Variants in PAFAH1B2 observed in about 807,000 individuals in gnomAD.
PAFAH1B2 encodes platelet-activating factor acetylhydrolase IB subunit alpha2.
Under a neutral mutation model 28.0 loss-of-function variants are expected in PAFAH1B2, and 8 were observed. The observed-to-expected ratio is 0.29, with a 90% CI of 0.17 to 0.52. The LOEUF (loss-of-function observed/expected upper bound fraction) is 0.52. PAFAH1B2 is among the 20% of genes least tolerant of loss of function. The probability of loss-of-function intolerance (pLI) is 0.97; values close to 1 mark genes in which losing one functional copy is unlikely to be tolerated. For missense variants in PAFAH1B2, 190 were observed against 282.6 expected (o/e 0.67, Z 2.35); for synonymous variants, 104 against 103.2 (o/e 1.01, Z -0.05).
downstream of PAFAH1B2, chr11:117,174,821 G>T: frequency 5.4e-6 from 5 of 926,930 alleles, no homozygotes; most frequent in South Asian, 8.6e-5. Context: ...TACCATGTTG[G>T]CCAGGCTGGT....
chr11:117,149,692 A>G (rs1956104297), intron 1 of PAFAH1B2, among the ~76,000 whole-genome samples: 1 of 151,634 alleles, frequency 6.6e-6, no homozygotes, highest in Non-Finnish European at 1.5e-5. Context: ...TCGGCCTCCC[A>G]AAGTGCTGGG....
intron 1 of PAFAH1B2, among the ~76,000 whole-genome samples, chr11:117,151,014 T>C (rs1300574969): frequency 2.0e-5 from 3 of 151,586 alleles, no homozygotes; most frequent in Non-Finnish European, 4.4e-5. Context: ...AAGATGACCT[T>C]CTTTTCTATA....
downstream of PAFAH1B2, among the ~76,000 whole-genome samples, chr11:117,173,734 T>C (rs1044749253): frequency 1.3e-5 from 2 of 152,208 alleles, no homozygotes; most frequent in African/African-American, 4.8e-5. Flanking sequence ...CCTGTGTCTT[T>C]AACTGATTCC....
chr11:117,165,602 C>G (rs1956488885), intron 5 of PAFAH1B2, among the ~76,000 whole-genome samples: 1 of 152,174 alleles, frequency 6.6e-6, no homozygotes, highest in African/African-American at 2.4e-5. Flanking sequence ...AATTATTATA[C>G]TGTGTGCTGT....
chr11:117,155,492 A>G (rs1956237802), intron 2 of PAFAH1B2, among the ~76,000 whole-genome samples: 1 of 152,218 alleles, frequency 6.6e-6, no homozygotes, highest in African/African-American at 2.4e-5. Flanking sequence ...CAAAAAGTGT[A>G]AATTAAAACA....
At chr11:117,172,521 T>TC (rs1488129817), downstream of PAFAH1B2, among the ~76,000 whole-genome samples, 1 of 151,262 alleles carries the variant, frequency 6.6e-6, no homozygotes, top group African/African-American at 2.4e-5. Context: ...AGTTAAAAGA[T>TC]CAAGTCCAAG....
At chr11:117,163,746 C>G in intron 4 of PAFAH1B2, 24 bp from the exon 5 acceptor site, 1 of 1,609,174 alleles carries the variant, frequency 6.2e-7, no homozygotes. Flanking sequence ...TCTTCTCCTT[C>G]CCCCCTTTTT....
chr11:117,177,791 C>T (rs1254391192), downstream of PAFAH1B2, among the ~76,000 whole-genome samples: 2 of 152,220 alleles, frequency 1.3e-5, no homozygotes, highest in Non-Finnish European at 2.9e-5. Flanking sequence ...CTGTCTTGGC[C>T]TCCCAAAGTG....
intron 1 of PAFAH1B2, among the ~76,000 whole-genome samples, chr11:117,146,585 C>T (rs1956015594): frequency 6.6e-6 from 1 of 152,090 alleles, no homozygotes; most frequent in Non-Finnish European, 1.5e-5. Flanking sequence ...ACCAGTTACT[C>T]TGGAAGGAAG....
rs1245955092 is a variant in PAFAH1B2, at chr11:117,170,505, C to G, written c.*2806C>G. 2 of 1,059,550 alleles carry G rather than the reference C, an allele frequency of 1.9e-6. No homozygotes were observed. The highest frequency in any genetic ancestry group is 2.3e-6 in the Non-Finnish European group (2 of 876,208). The allele number at this position is 1,059,550 out of a possible 1,614,324, so 65.6% of individuals were successfully genotyped here. ...GCCGTAGACAGCGCTCTGGCTACCA[C>G]CGTGAGGCTACTTGAACTGTCAGGG... On this transcript the variant is annotated 3_prime_UTR_variant, in exon 6 of 6. Transcript: ENST00000527958.
chr11:117,168,720 A>C lies in PAFAH1B2; in HGVS notation c.*1021A>C. On this transcript the variant is annotated 3_prime_UTR_variant, in exon 6 of 6. Coordinates refer to ENST00000527958, the MANE Select transcript of PAFAH1B2 (RefSeq NM_002572.4). ...TCAGAACTCTTGTTTCCCATTCCAT[A>C]GCACCTGACATTATTTCAAGTTTTA... 1 of 1,052,906 alleles carries C rather than the reference A, an allele frequency of 9.5e-7. No homozygotes were observed. Among genetic ancestry groups the C allele is most frequent in the Non-Finnish European group, 1.2e-6 (1 of 869,536 alleles). The allele number at this position is 1,052,906 out of a possible 1,614,324, so 65.2% of individuals were successfully genotyped here. A position where few individuals can be genotyped will look rare whatever the true frequency, so the allele number is the denominator to read the frequency against.
intron 4 of PAFAH1B2, among the ~76,000 whole-genome samples, chr11:117,161,512 GT>G (rs35812569): frequency 2.3e-4 from 33 of 144,580 alleles, no homozygotes; most frequent in East Asian, 6.1e-4. Context: ...TGAAGGAAGA[GT>G]TTTTTTTTTT....
intron 4 of PAFAH1B2, among the ~76,000 whole-genome samples, chr11:117,163,208 C>A (rs1956415035): frequency 9.0e-6 from 1 of 111,700 alleles, no homozygotes; most frequent in South Asian, 2.6e-4. Flanking sequence ...TTTGTAGTCC[C>A]AGCATTTTGG....
chr11:117,175,838 G>C (rs1465258495), downstream of PAFAH1B2: 2 of 1,414,130 alleles, frequency 1.4e-6, no homozygotes, highest in Non-Finnish European at 1.9e-6. Flanking sequence ...GGCTGTGGCA[G>C]ATCGCTTGAA....
rs763139926 is a variant in PAFAH1B2 at position 117,170,165 on chromosome 11, C to T, written c.*2466C>T. 16 of 1,053,942 alleles carry T rather than the reference C, an allele frequency of 1.5e-5. No individual in the cohort carries two copies. The East Asian group carries it at 3.7e-4, about 25-fold the overall frequency. The allele number at this position is 1,053,942 out of a possible 1,614,324, so 65.3% of individuals were successfully genotyped here. A position where few individuals can be genotyped will look rare whatever the true frequency, so the allele number is the denominator to read the frequency against. On this transcript the variant is annotated 3_prime_UTR_variant, in exon 6 of 6. Coordinates refer to ENST00000527958, the MANE Select transcript of PAFAH1B2 (RefSeq NM_002572.4). ...TATTTTTCTTTGACATCCTAGTTTGCGTCAGTGACAGAACTTACTGCTTAG... is the reference window on the plus strand; with the variant it reads ...TATTTTTCTTTGACATCCTAGTTTGTGTCAGTGACAGAACTTACTGCTTAG...
chr11:117,153,051 C>G (rs988069177), intron 2 of PAFAH1B2, among the ~76,000 whole-genome samples: 2 of 152,094 alleles, frequency 1.3e-5, no homozygotes, highest in Non-Finnish European at 2.9e-5. Flanking sequence ...GGCAACAGAG[C>G]AAGACTGCAT....
chr11:117,170,861 A>T lies in PAFAH1B2; in HGVS notation c.*3162A>T. Reference sequence around the variant, plus strand: ...GGGAGAAGTGAGTTAGGGCCTCTTGAAAGGAGGCTTTTTGGAGAGGGGTCC... The same window carrying T: ...GGGAGAAGTGAGTTAGGGCCTCTTGTAAGGAGGCTTTTTGGAGAGGGGTCC... On this transcript the variant is annotated 3_prime_UTR_variant, in exon 6 of 6. Coordinates refer to ENST00000527958, the MANE Select transcript of PAFAH1B2 (RefSeq NM_002572.4). 1 of 1,060,580 alleles carries T rather than the reference A, an allele frequency of 9.4e-7. No homozygotes were observed. Among genetic ancestry groups the T allele is most frequent in the Non-Finnish European group, 1.1e-6 (1 of 876,298 alleles). 65.7% of individuals were successfully genotyped at this position (1,060,580 alleles called of 1,614,324 possible). A position where few individuals can be genotyped will look rare whatever the true frequency, so the allele number is the denominator to read the frequency against.
At chr11:117,150,964 G>A (rs144241017) in intron 1 of PAFAH1B2, among the ~76,000 whole-genome samples, 4,972 of 149,392 alleles carry the variant, frequency 0.033, 270 homozygotes, top group African/African-American at 0.12. Context: ...CTCCAGCCTC[G>A]GTGACAGAGC....
chr11:117,168,562 T>C lies in PAFAH1B2; in HGVS notation c.*863T>C. ...AGTCTCCAGCCAGTTACTCTCATGATAGTACTGCTATAAAACTCATTCTTG... is the reference window on the plus strand; with the variant it reads ...AGTCTCCAGCCAGTTACTCTCATGACAGTACTGCTATAAAACTCATTCTTG... On this transcript the variant is annotated 3_prime_UTR_variant, in exon 6 of 6. Transcript: ENST00000527958. 9.5e-7 allele frequency: 1 copy of C among 1,053,780 alleles called. No individual in the cohort carries two copies. The highest frequency in any genetic ancestry group is 1.1e-6 in the Non-Finnish European group (1 of 873,044). 65.3% of individuals were successfully genotyped at this position (1,053,780 alleles called of 1,614,324 possible).
Sources: gnomAD v4.1 joint callset for allele counts (sites outside exome capture counted in the v4.1 genomes callset) on GRCh38, gnomAD v4.1.1 for gene constraint, MANE v1.5 for transcripts, NCBI Gene and HGNC (gene_info 2026-07-23, HGNC 2026-07-21) for gene names.